Variants in LPIN1 observed in about 807,000 individuals in gnomAD.
The protein encoded by LPIN1 is phosphatidate phosphatase LPIN1.
Under a neutral mutation model 107.5 loss-of-function variants are expected in LPIN1, and 71 were observed. That is an observed-to-expected ratio of 0.66 (90% CI 0.55 to 0.80). LPIN1 has a LOEUF of 0.80. Among genes scored for constraint, LPIN1 ranks in the 30% least tolerant of loss-of-function variants. The pLI is 0.00. For synonymous variants in LPIN1, 445 were observed against 452.6 expected, an observed-to-expected ratio of 0.98 and a Z score of 0.21; for missense variants, 1,043 against 1,160.6, an observed-to-expected ratio of 0.90 and a Z score of 1.47.
intron 1 of LPIN1, among the ~76,000 whole-genome samples, chr2:11,747,509 T>C (rs1667144947): frequency 6.6e-6 from 1 of 152,120 alleles, no homozygotes; most frequent in African/African-American, 2.4e-5. Flanking sequence ...CAGTATTAAT[T>C]TGGAGATGTT....
intron 1 of LPIN1, chr2:11,682,459 C>T (rs1355136579): frequency 6.5e-6 from 1 of 152,838 alleles, no homozygotes; most frequent in East Asian, 1.9e-4. Context: ...TCTTCAATCC[C>T]TTCTCCCCAG....
chr2:11,776,063 G>C (rs752975887), intron 5 of LPIN1, 23 bp from the exon 6 acceptor site: 13 of 1,406,590 alleles, frequency 9.2e-6, no homozygotes, highest in South Asian at 1.3e-5. Flanking sequence ...TTCTTTTAAT[G>C]TGTATCACGT....
chr2:11,731,099 T>C (rs1197076153), intron 1 of LPIN1, among the ~76,000 whole-genome samples: 2 of 152,204 alleles, frequency 1.3e-5, no homozygotes, highest in East Asian at 1.9e-4. Context: ...CCGGGATACA[T>C]GTGCAGAATG....
Position 11,815,905 on chromosome 2 carries a change from C to T in LPIN1, c.2402+665C>T, listed in dbSNP as rs149170982. Among the ~76,000 whole-genome samples the T allele has an allele frequency of 6.9e-3, 1,047 of 152,282 alleles. 13 individuals carry two copies. Among genetic ancestry groups the T allele is most frequent in the Middle Eastern group, 0.02 (6 of 294 alleles). On this transcript the variant is annotated intron_variant, in intron 18 of 20. Transcript: ENST00000674199. Reference sequence around the variant, plus strand: ...GGAGTTGGAGGAAGAAAACACTGGACGTCCCTGTAGTTGGAGGCCCAGGGC... The same window carrying T: ...GGAGTTGGAGGAAGAAAACACTGGATGTCCCTGTAGTTGGAGGCCCAGGGC...
Position 11,825,584 on chromosome 2 carries a change from A to G in LPIN1, c.*793A>G, listed in dbSNP as rs1299553701. 6.6e-6 allele frequency: 1 copy of G among 152,636 alleles called. No homozygotes were observed. 9.5% of individuals were successfully genotyped at this position (152,636 alleles called of 1,614,324 possible). On this transcript the variant is annotated 3_prime_UTR_variant, in exon 21 of 21. Coordinates refer to ENST00000674199, the MANE Select transcript of LPIN1 (RefSeq NM_001349206.2). The surrounding 1 kb of genome is among the most constrained non-coding windows in gnomAD (Gnocchi z 4.1). ...CTTTGCAACGCCTTAGATTAAAATG[A>G]CAGTAAATATTACTAAGGCAGTATT...
intron 8 of LPIN1, 59 bp downstream of exon 8, chr2:11,782,566 CAT>C: frequency 1.9e-6 from 3 of 1,590,678 alleles, no homozygotes; most frequent in Non-Finnish European, 2.6e-6. Flanking sequence ...TCACTCTACA[CAT>C]GACAGGTCCT....
At chr2:11,757,146 G>A (rs1198276773) in intron 1 of LPIN1, among the ~76,000 whole-genome samples, 1 of 152,226 alleles carries the variant, frequency 6.6e-6, no homozygotes, top group Non-Finnish European at 1.5e-5. Context: ...ATTAAAGTCA[G>A]TAGGTTTGAA....
chr2:11,812,347 A>G (rs1338126730), intron 17 of LPIN1, among the ~76,000 whole-genome samples: 1 of 152,192 alleles, frequency 6.6e-6, no homozygotes, highest in Non-Finnish European at 1.5e-5. Flanking sequence ...ATGAAGGACT[A>G]TAACGTCATA....
At chr2:11,811,632 A>G (rs1337902605) in intron 17 of LPIN1, among the ~76,000 whole-genome samples, 1 of 152,252 alleles carries the variant, frequency 6.6e-6, no homozygotes, top group Non-Finnish European at 1.5e-5. Context: ...ATACATGGAA[A>G]TAGTGATTTC....
chr2:11,732,906 T>TCC (rs1173529317), intron 1 of LPIN1, among the ~76,000 whole-genome samples: 10 of 140,960 alleles, frequency 7.1e-5, no homozygotes, highest in African/African-American at 3.2e-4. Context: ...TCTCTCTCTC[T>TCC]CTCTCTGTGT....
chr2:11,751,768 C>T (rs1012267051), intron 1 of LPIN1, among the ~76,000 whole-genome samples: 23 of 152,132 alleles, frequency 1.5e-4, no homozygotes, highest in African/African-American at 5.6e-4. Context: ...AGGAGATTGG[C>T]GTGAACCTGG....
intron 1 of LPIN1, among the ~76,000 whole-genome samples, chr2:11,711,123 G>A (rs187401535): frequency 2.0e-5 from 3 of 152,268 alleles, no homozygotes; most frequent in Admixed American, 6.5e-5. Context: ...AGCCTACCTC[G>A]TGAGTGCAAA....
intron 14 of LPIN1, among the ~76,000 whole-genome samples, chr2:11,798,775 T>TAAAAAAAAAAAAA (rs780195460): frequency 7.6e-6 from 1 of 131,528 alleles, no homozygotes. Flanking sequence ...TGCAGTTGAC[T>TAAAAAAAAAAAAA]AAAAAAAAAA....
chr2:11,770,432 C>T (rs545466388), intron 3 of LPIN1, among the ~76,000 whole-genome samples: 1 of 152,212 alleles, frequency 6.6e-6, no homozygotes, highest in East Asian at 1.9e-4. Flanking sequence ...TTCCAGCCCA[C>T]GGACAGCAAA....
chr2:11,810,238 T>A (rs1021574333), intron 17 of LPIN1, among the ~76,000 whole-genome samples: 1 of 152,096 alleles, frequency 6.6e-6, no homozygotes, highest in Non-Finnish European at 1.5e-5. Flanking sequence ...AGATGTTGGT[T>A]TTTGTTGGAC....
At chr2:11,764,016 G>A (rs72773994) in intron 1 of LPIN1, among the ~76,000 whole-genome samples, 35,195 of 129,520 alleles carry the variant, frequency 0.27, 5,485 homozygotes, top group Non-Finnish European at 0.35. Context: ...TTTGGAGATA[G>A]GGTCTTTTGT....
At chr2:11,733,042 G>C (rs1465148731) in intron 1 of LPIN1, among the ~76,000 whole-genome samples, 3 of 151,622 alleles carry the variant, frequency 2.0e-5, no homozygotes, top group African/African-American at 7.3e-5. Flanking sequence ...GAATTGCTGG[G>C]GTCAATACCT....
intron 1 of LPIN1, among the ~76,000 whole-genome samples, chr2:11,712,082 C>T (rs6432235): frequency 0.99 from 150,923 of 152,374 alleles, 74,760 homozygotes; most frequent in East Asian, 1. Flanking sequence ...CCTGGGAGCA[C>T]GCGAGGCCTT....
rs368262693 is a variant in LPIN1, at chr2:11,819,487, A to C, written c.2406A>C (p.Glu802Asp). The change falls in exon 19 of 21, where the codon GAA (glutamate) becomes GAC (aspartate). Residue 802 changes from glutamate to aspartate, a missense_variant. Coordinates refer to ENST00000674199, the MANE Select transcript of LPIN1 (RefSeq NM_001349206.2). ...CTGTTATTTATTTGTTTAACAGAGA[A>C]GTGATTGAAAAGAAGCCAGAAAAGT... ...PSSLFSALHR[E>D]VIEKKPEKFK... 1.9e-6 allele frequency: 3 copies of C among 1,587,004 alleles called. No individual in the cohort carries two copies. In the Admixed American group the frequency reaches 5.0e-5, roughly 26 times the overall value.
Sources: allele counts gnomAD v4.1 joint callset (sites outside exome capture counted in the v4.1 genomes callset), GRCh38; gene constraint gnomAD v4.1.1; non-coding constraint Gnocchi (gnomAD v3.1); transcripts MANE v1.5; gene names NCBI Gene and HGNC (gene_info 2026-07-23, HGNC 2026-07-21).